Variants in RXRA observed in about 807,000 individuals in gnomAD.
RXRA encodes the protein retinoic acid receptor RXR-alpha.
A neutral mutation model predicts 44.5 loss-of-function variants in RXRA; 5 were observed. That is an observed-to-expected ratio of 0.11 (90% CI 0.06 to 0.24). RXRA has a LOEUF of 0.24. RXRA is among the 10% of genes least tolerant of loss of function. The probability of loss-of-function intolerance (pLI) is 1.00; values close to 1 mark genes in which losing one functional copy is unlikely to be tolerated. For synonymous variants in RXRA, 291 were observed against 271.4 expected, an observed-to-expected ratio of 1.07 and a Z score of -0.71; for missense variants, 412 against 646.5, an observed-to-expected ratio of 0.64 and a Z score of 3.93.
chr9:134,336,008 G>T (rs543289141), intron 1 of RXRA, among the ~76,000 whole-genome samples: 7 of 152,334 alleles, frequency 4.6e-5, no homozygotes, highest in African/African-American at 1.7e-4. Flanking sequence ...AGCTCTGACC[G>T]TGAGCAGAGT....
At chr9:134,422,008 CGGAACACACTCCCCCCTCCCT>C in intron 6 of RXRA, 3 of 1,448,954 alleles carry the variant, frequency 2.1e-6, no homozygotes, top group Non-Finnish European at 2.7e-6. Flanking sequence ...TCCCCCTTCC[CGGAACACACTCCCCCCTCCCT>C]GGATGCTCCC....
chr9:134,364,925 T>G (rs1424928067), intron 1 of RXRA, among the ~76,000 whole-genome samples: 5 of 152,174 alleles, frequency 3.3e-5, no homozygotes, highest in African/African-American at 4.8e-5. Flanking sequence ...TGGCTTTGAA[T>G]GTTACATAGA....
chr9:134,406,830 A>G (rs954515547), intron 2 of RXRA, among the ~76,000 whole-genome samples: 3 of 152,240 alleles, frequency 2.0e-5, no homozygotes, highest in African/African-American at 7.2e-5. Flanking sequence ...GTGTGGGTGC[A>G]AAGCCCAGGC....
chr9:134,327,871 G>C (rs965696500), intron 1 of RXRA, among the ~76,000 whole-genome samples: 1 of 150,150 alleles, frequency 6.7e-6, no homozygotes, highest in Non-Finnish European at 1.5e-5. Flanking sequence ...CAGACCTAAC[G>C]CTTACTCCCT....
intron 1 of RXRA, among the ~76,000 whole-genome samples, chr9:134,340,165 C>T (rs1554747957): frequency 6.6e-6 from 1 of 152,084 alleles, no homozygotes; most frequent in Admixed American, 6.5e-5. Flanking sequence ...TCTTGTGCCC[C>T]ACACCTTCTG....
chr9:134,358,169 G>A (rs1435618098), intron 1 of RXRA, among the ~76,000 whole-genome samples: 5 of 152,270 alleles, frequency 3.3e-5, no homozygotes, highest in Non-Finnish European at 2.9e-5. Flanking sequence ...GGAGCCAGGC[G>A]TGAGCCCGTG....
Position 134,436,712 on chromosome 9 carries a change from C to G in RXRA, c.*98C>G. On this transcript the variant is annotated 3_prime_UTR_variant, in exon 10 of 10. Transcript: ENST00000481739. ...GAGCCCTGTCCCTGCCCTTCTCTGCCTGGCCTGTTTGGACTTTGGGGCACA... is the reference window on the plus strand; with the variant it reads ...GAGCCCTGTCCCTGCCCTTCTCTGCGTGGCCTGTTTGGACTTTGGGGCACA... The G allele has an allele frequency of 6.9e-7, 1 of 1,453,050 alleles. No individual in the cohort carries two copies. The highest frequency in any genetic ancestry group is 2.3e-5 in the East Asian group (1 of 43,468). The allele number at this position is 1,453,050 out of a possible 1,614,324, so 90.0% of individuals were successfully genotyped here.
At position 134,426,030 on chromosome 9, in the gene RXRA, C is replaced by T; in HGVS notation, c.911-3078C>T. 1.0e-6 allele frequency: 1 copy of T among 985,416 alleles called. No homozygotes were observed. Among genetic ancestry groups the T allele is most frequent in the Non-Finnish European group, 1.2e-6 (1 of 829,926 alleles). 61.0% of individuals were successfully genotyped at this position (985,416 alleles called of 1,614,324 possible). On this transcript the variant is annotated intron_variant, in intron 6 of 9. Transcript: ENST00000481739. This position sits in a 1 kb window ranked among gnomAD's most constrained non-coding sequence, Gnocchi z 4.6. The stretch of plus-strand genomic sequence containing the variant: ...GAAGCGCTGTCCAGGGGTCCTGCAA[C>T]CCCAGCAGAGGCCCTGAGCGTTTGG...
chr9:134,418,900 G>A (rs995397676), intron 5 of RXRA, among the ~76,000 whole-genome samples: 4 of 152,236 alleles, frequency 2.6e-5, no homozygotes, highest in Admixed American at 1.3e-4. Flanking sequence ...GCCTCTGCCT[G>A]TCTGAGGGTG....
intron 7 of RXRA, among the ~76,000 whole-genome samples, chr9:134,430,776 G>T (rs1367329848): frequency 1.3e-5 from 2 of 152,332 alleles, no homozygotes; most frequent in South Asian, 2.1e-4. Context: ...TGTCTGGCTG[G>T]TAGAGAGATG....
At chr9:134,375,426 G>C (rs1017054063) in intron 1 of RXRA, among the ~76,000 whole-genome samples, 3 of 152,152 alleles carry the variant, frequency 2.0e-5, no homozygotes, top group Admixed American at 6.5e-5. Context: ...GAGGGCAGCC[G>C]AGGGCTCCCG....
intron 1 of RXRA, among the ~76,000 whole-genome samples, chr9:134,337,230 G>A (rs548039999): frequency 1.3e-5 from 2 of 152,336 alleles, no homozygotes; most frequent in East Asian, 3.9e-4. Flanking sequence ...ATGTCTTGTT[G>A]AAACTTGTAG....
In RXRA at chr9:134,407,055, G is replaced by T. The variant is rs1487438078; in HGVS notation, c.280-1094G>T. Among the ~76,000 whole-genome samples, 1 of 152,170 alleles carries T rather than the reference G, an allele frequency of 6.6e-6. No homozygotes were observed. Among genetic ancestry groups the T allele is most frequent in the East Asian group, 1.9e-4 (1 of 5,182 alleles). ...GCCTCTCGCAGCCCACCTGAGTCCT[G>T]CAGGGACCAAGCATCCTTGTAAAGC... On this transcript the variant is annotated intron_variant, in intron 2 of 9. Coordinates refer to ENST00000481739, the MANE Select transcript of RXRA (RefSeq NM_002957.6). This position sits in a 1 kb window ranked among gnomAD's most constrained non-coding sequence, Gnocchi z 4.8.
intron 1 of RXRA, among the ~76,000 whole-genome samples, chr9:134,382,223 C>T (rs1830657256): frequency 1.3e-5 from 2 of 152,066 alleles, no homozygotes. Context: ...CCTGCTGCTG[C>T]CCCTGTGGCC....
intron 1 of RXRA, among the ~76,000 whole-genome samples, chr9:134,364,777 C>T (rs1240653617): frequency 1.3e-5 from 2 of 152,224 alleles, no homozygotes; most frequent in Non-Finnish European, 2.9e-5. Flanking sequence ...ATGCTTTGCC[C>T]AGCCTGCCCC....
At chr9:134,382,200 G>A (rs939596525) in intron 1 of RXRA, among the ~76,000 whole-genome samples, 1 of 152,104 alleles carries the variant, frequency 6.6e-6, no homozygotes, top group South Asian at 2.1e-4. Context: ...CTGGGCTGGC[G>A]TCTGCCTCCC....
In RXRA at chr9:134,426,177, G is replaced by A. The variant is rs1831431623; in HGVS notation, c.911-2931G>A. 6.1e-6 allele frequency: 6 copies of A among 985,422 alleles called. No homozygotes were observed. Among genetic ancestry groups the A allele is most frequent in the Non-Finnish European group, 7.2e-6 (6 of 829,936 alleles). The allele number at this position is 985,422 out of a possible 1,614,324, so 61.0% of individuals were successfully genotyped here. A position where few individuals can be genotyped will look rare whatever the true frequency, so the allele number is the denominator to read the frequency against. On this transcript the variant is annotated intron_variant, in intron 6 of 9. Coordinates refer to ENST00000481739, the MANE Select transcript of RXRA (RefSeq NM_002957.6). The surrounding 1 kb of genome is among the most constrained non-coding windows in gnomAD (Gnocchi z 4.6). ...ACTCTTTGTCCTGCGCTTGGAGCCT[G>A]GAGTAAGACCTGGTATCCTCTGCAT... is the stretch of plus-strand genomic sequence containing the variant.
intron 5 of RXRA, among the ~76,000 whole-genome samples, chr9:134,419,804 C>T (rs1378245018): frequency 6.6e-6 from 1 of 152,216 alleles, no homozygotes; most frequent in African/African-American, 2.4e-5. Context: ...CCTAGGGGAC[C>T]CCCTCCAGGC....
At chr9:134,402,062 G>A (rs1332029877) in intron 2 of RXRA, 180 bp downstream of exon 2, 14 of 603,394 alleles carry the variant, frequency 2.3e-5, no homozygotes, top group Non-Finnish European at 3.2e-5. Flanking sequence ...AGCCCAGGTG[G>A]GGCTGACTGC....
Sources: allele counts gnomAD v4.1 joint callset (sites outside exome capture counted in the v4.1 genomes callset), GRCh38; gene constraint gnomAD v4.1.1; non-coding constraint Gnocchi (gnomAD v3.1); transcripts MANE v1.5; gene names NCBI Gene and HGNC (gene_info 2026-07-23, HGNC 2026-07-21).